Variants in OR51B5 observed in about 807,000 individuals in gnomAD.
The protein encoded by OR51B5 is olfactory receptor 51B5.
For missense variants in OR51B5, 456 were observed against 374.6 expected (o/e 1.22, Z -1.79); for synonymous variants, 186 against 144.8 (o/e 1.28, Z -2.04).
intron 1 of OR51B5, among the ~76,000 whole-genome samples, chr11:5,414,001 A>G (rs907330557): frequency 5.4e-5 from 8 of 148,222 alleles, no homozygotes; most frequent in Non-Finnish European, 1.2e-4. Flanking sequence ...CAAAGTTGAA[A>G]TGAAGGAAAA....
chr11:5,364,531 C>G (rs1196670685), intron 1 of OR51B5, among the ~76,000 whole-genome samples: 1 of 152,182 alleles, frequency 6.6e-6, no homozygotes, highest in African/African-American at 2.4e-5. Flanking sequence ...CAGCTTTAAG[C>G]ACAGTGCTTT....
intron 1 of OR51B5, chr11:5,441,536 A>C: frequency 6.3e-7 from 1 of 1,578,330 alleles, no homozygotes; most frequent in Admixed American, 1.7e-5. Context: ...ATAGATAGGG[A>C]ATGGACCCAA....
intron 1 of OR51B5, chr11:5,456,595 T>A (rs906234679): frequency 6.6e-6 from 1 of 152,194 alleles, no homozygotes; most frequent in African/African-American, 2.4e-5. Context: ...TGTTTTTGAA[T>A]TCTTTGGTTA....
At chr11:5,486,096 G>C (rs947597405) in intron 1 of OR51B5, among the ~76,000 whole-genome samples, 1 of 151,324 alleles carries the variant, frequency 6.6e-6, no homozygotes, top group Non-Finnish European at 1.5e-5. Context: ...CCAACATCGC[G>C]ATATCAGACT....
chr11:5,461,520 C>T (rs1177359006), intron 1 of OR51B5, among the ~76,000 whole-genome samples: 2 of 152,128 alleles, frequency 1.3e-5, no homozygotes, highest in Non-Finnish European at 2.9e-5. Context: ...CTGCTCTCTC[C>T]AGGTCTCCCT....
At chr11:5,414,136 C>A (rs1288817249) in intron 1 of OR51B5, among the ~76,000 whole-genome samples, 4 of 151,832 alleles carry the variant, frequency 2.6e-5, no homozygotes, top group East Asian at 3.9e-4. Flanking sequence ...ATTCAACATT[C>A]TTAAGAAAAG....
intron 1 of OR51B5, among the ~76,000 whole-genome samples, chr11:5,396,336 A>C (rs1320320498): frequency 1.3e-5 from 2 of 152,246 alleles, no homozygotes; most frequent in Admixed American, 6.5e-5. Flanking sequence ...GTCTCAGCCC[A>C]AAATCCCCTT....
intron 1 of OR51B5, chr11:5,422,880 T>C (rs770271928): frequency 1.2e-6 from 2 of 1,614,116 alleles, no homozygotes; most frequent in South Asian, 1.1e-5. Flanking sequence ...CTGAAAAATA[T>C]CTTGGGCACA....
chr11:5,499,096 T>C (rs1851686673), intron 1 of OR51B5, among the ~76,000 whole-genome samples: 1 of 152,172 alleles, frequency 6.6e-6, no homozygotes, highest in South Asian at 2.1e-4. Context: ...AAGTTCAAGT[T>C]GACAGGGAAA....
intron 1 of OR51B5, chr11:5,441,030 G>A (rs754565456): frequency 1.2e-5 from 19 of 1,613,796 alleles, no homozygotes; most frequent in Middle Eastern, 1.6e-4. Flanking sequence ...CACCACAAAA[G>A]GGAAAGGGAA....
downstream of OR51B5, chr11:5,342,528 T>C: frequency 6.6e-7 from 1 of 1,518,164 alleles, no homozygotes; most frequent in Non-Finnish European, 8.8e-7. Context: ...ACTTCTTTGC[T>C]CTCCTGCTAA....
intron 1 of OR51B5, among the ~76,000 whole-genome samples, chr11:5,372,188 G>A (rs955596616): frequency 1.3e-5 from 2 of 152,148 alleles, no homozygotes; most frequent in Non-Finnish European, 2.9e-5. Context: ...CACTTAGATT[G>A]TTTCCATGTC....
At chr11:5,402,855 A>T in intron 1 of OR51B5, 2 of 471,594 alleles carry the variant, frequency 4.2e-6, no homozygotes, top group Non-Finnish European at 8.8e-6. Flanking sequence ...AGTGTTAGGC[A>T]TATTCCTTTT....
chr11:5,369,583 A>T (rs1431970437), intron 1 of OR51B5, among the ~76,000 whole-genome samples: 1 of 152,204 alleles, frequency 6.6e-6, no homozygotes, highest in African/African-American at 2.4e-5. Flanking sequence ...AATTTAAAAA[A>T]TTATATATAC....
intron 1 of OR51B5, among the ~76,000 whole-genome samples, chr11:5,409,709 AAAC>A (rs1686924712): frequency 6.6e-6 from 1 of 152,174 alleles, no homozygotes; most frequent in South Asian, 2.1e-4. Context: ...ATGGAAACTT[AAAC>A]AATAGAGGAA....
At chr11:5,385,560 T>C (rs929574503) in intron 1 of OR51B5, 12 of 152,138 alleles carry the variant, frequency 7.9e-5, no homozygotes, top group Non-Finnish European at 2.9e-5. Flanking sequence ...CAGGGGCCTT[T>C]AGAGAATTCC....
At chr11:5,471,420 G>A (rs1448598522) in intron 1 of OR51B5, among the ~76,000 whole-genome samples, 2 of 151,978 alleles carry the variant, frequency 1.3e-5, no homozygotes, top group African/African-American at 2.4e-5. Context: ...GGTGGATCAC[G>A]AGGTCAGGAG....
chr11:5,352,120 G>A, intron 1 of OR51B5: 1 of 1,614,126 alleles, frequency 6.2e-7, no homozygotes, highest in Non-Finnish European at 8.5e-7. Flanking sequence ...ATTTGCAATG[G>A]TCTTGTTGGA....
chr11:5,411,624 G>C (rs563547643), intron 1 of OR51B5, among the ~76,000 whole-genome samples: 1 of 152,256 alleles, frequency 6.6e-6, no homozygotes, highest in South Asian at 2.1e-4. Context: ...CTAATCCCTG[G>C]AACTTCTGAA....
Sources: gnomAD v4.1 joint callset for allele counts (sites outside exome capture counted in the v4.1 genomes callset) on GRCh38, gnomAD v4.1.1 for gene constraint, MANE v1.5 for transcripts, NCBI Gene and HGNC (gene_info 2026-07-23, HGNC 2026-07-21) for gene names.